Variants in RAB26 observed in about 807,000 individuals in gnomAD.
RAB26 encodes the protein ras-related protein Rab-26.
RAB26 carries 39 observed loss-of-function variants against 33.1 expected under a neutral mutation model. The ratio of observed to expected loss-of-function variants is 1.18; its 90% CI spans 0.91 to 1.54. The LOEUF is 1.54. Among genes scored for constraint, RAB26 ranks in the 40% most tolerant of loss-of-function variants. The probability of loss-of-function intolerance (pLI) is 0.00; values close to 1 mark genes in which losing one functional copy is unlikely to be tolerated. For synonymous variants in RAB26, 192 were observed against 151.9 expected (o/e 1.26, Z -1.94); for missense variants, 468 against 362.9 (o/e 1.29, Z -2.35).
chr16:2,151,966 C>A (rs2093006585), intron 5 of RAB26, 58 bp downstream of exon 5: 1 of 1,597,418 alleles, frequency 6.3e-7, no homozygotes, highest in Non-Finnish European at 8.6e-7. Context: ...CCATCCCAAC[C>A]TCCTTCTGGT....
intron 6 of RAB26, 36 bp from the exon 7 acceptor site, chr16:2,152,953 G>A (rs564634533): frequency 6.3e-7 from 1 of 1,582,586 alleles, no homozygotes; most frequent in South Asian, 1.1e-5. Context: ...GGCCAACCAT[G>A]GGCCAGCTTT....
At chr16:2,150,913 C>T (rs2093002781) in intron 2 of RAB26, among the ~76,000 whole-genome samples, 1 of 152,156 alleles carries the variant, frequency 6.6e-6, no homozygotes, top group African/African-American at 2.4e-5. Context: ...TGCCCAGGGC[C>T]TCAGACTGCG....
chr16:2,153,585 C>A lies in RAB26; in HGVS notation c.*164C>A, dbSNP rs1156716821. The A allele has an allele frequency of 4.4e-6, 3 of 687,696 alleles. No individual in the cohort carries two copies. Among genetic ancestry groups the A allele is most frequent in the East Asian group, 5.4e-5 (2 of 36,816 alleles). 42.6% of individuals were successfully genotyped at this position (687,696 alleles called of 1,614,324 possible). ...GTCCCTTCCTCCTCCCAGCAACAGT[C>A]CCAACAAGCAGGCTTCTGAGAGCCC... is the stretch of plus-strand genomic sequence containing the variant. On this transcript the variant is annotated 3_prime_UTR_variant, in exon 9 of 9. Transcript: ENST00000210187.
intron 1 of RAB26, 75 bp downstream of exon 1, chr16:2,149,053 AG>A: frequency 5.0e-6 from 6 of 1,209,968 alleles, no homozygotes; most frequent in Non-Finnish European, 6.2e-6. Flanking sequence ...GGGGTCGGAC[AG>A]GGGGTGCAGG....
At position 2,148,721 on chromosome 16, in the gene RAB26, CG is replaced by C. The variant is rs2092994323; in HGVS notation, c.-59del. 1 of 1,203,706 alleles carries C rather than the reference CG, an allele frequency of 8.3e-7. No homozygotes were observed. The highest frequency in any genetic ancestry group is 1.0e-6 in the Non-Finnish European group (1 of 967,308). The allele number at this position is 1,203,706 out of a possible 1,614,324, so 74.6% of individuals were successfully genotyped here. ...GGGTCCGGGTCGGGCTCGGCGGGCG[CG>C]GGGTGCGGGACGGCCCAGGGCACGG... On this transcript the variant is annotated 5_prime_UTR_variant, in exon 1 of 9. An upstream open reading frame in the 5' UTR loses its in-frame stop. Coordinates refer to ENST00000210187, the MANE Select transcript of RAB26 (RefSeq NM_014353.5).
At chr16:2,150,984 AC>A in intron 2 of RAB26, 1 of 326,662 alleles carries the variant, frequency 3.1e-6, no homozygotes, top group South Asian at 2.3e-5. Flanking sequence ...TCCCTGCCTT[AC>A]GTCTAATCGT....
rs1217059375 is a variant in RAB26 at position 2,154,099 on chromosome 16, C to A, written c.*678C>A. On this transcript the variant is annotated 3_prime_UTR_variant, in exon 9 of 9. Transcript: ENST00000210187. ...CAACTTGGCCTTTTGATTGCACAAG[C>A]CTTTGTTTTCAGTCCTAGTGAATAA... The A allele has an allele frequency of 2.5e-5, 8 of 321,110 alleles. No individual in the cohort carries two copies. The highest frequency in any genetic ancestry group is 4.3e-5 in the Non-Finnish European group (7 of 161,700). The allele number at this position is 321,110 out of a possible 1,614,324, so 19.9% of individuals were successfully genotyped here.
intron 2 of RAB26, 114 bp from the exon 3 acceptor site, chr16:2,151,455 G>T: frequency 1.4e-6 from 2 of 1,472,112 alleles, no homozygotes; most frequent in Non-Finnish European, 1.9e-6. Flanking sequence ...GCCTGCAGGG[G>T]CTGGGCTGGA....
intron 5 of RAB26, among the ~76,000 whole-genome samples, 183 bp from the exon 6 acceptor site, chr16:2,152,637 G>A (rs1386395880): frequency 2.1e-5 from 3 of 144,076 alleles, no homozygotes; most frequent in South Asian, 2.3e-4. Context: ...AGACTGCAGT[G>A]AGTCGAGATG....
intron 1 of RAB26, among the ~76,000 whole-genome samples, chr16:2,149,514 C>T (rs1359679176): frequency 2.0e-5 from 3 of 151,714 alleles, no homozygotes; most frequent in African/African-American, 4.8e-5. Flanking sequence ...GGTCCCTCTT[C>T]AGATCGAGAT....
At chr16:2,151,381 G>A in intron 2 of RAB26, 188 bp from the exon 3 acceptor site, 2 of 709,966 alleles carry the variant, frequency 2.8e-6, no homozygotes, top group Non-Finnish European at 4.9e-6. Context: ...CAGGAATAGT[G>A]CAGAGGCTGC....
At chr16:2,149,324 T>G in intron 1 of RAB26, among the ~76,000 whole-genome samples, 1 of 145,906 alleles carries the variant, frequency 6.9e-6, no homozygotes, top group African/African-American at 2.7e-5. Context: ...TTTTTTTTTT[T>G]TGCTGGGGGG....
chr16:2,151,628 G>A lies in RAB26; in HGVS notation c.348+18G>A, dbSNP rs1364567408. On this transcript the variant is annotated intron_variant, in intron 3 of 8. Coordinates refer to ENST00000210187, the MANE Select transcript of RAB26 (RefSeq NM_014353.5). ...AGCTGCAGGTAAGGTGACTGGCAGA[G>A]GACAAGTTGGGGGACAGGGGACACC... The A allele has an allele frequency of 6.2e-7, 1 of 1,614,062 alleles. No individual in the cohort carries two copies. Among genetic ancestry groups the A allele is most frequent in the South Asian group, 1.1e-5 (1 of 91,086 alleles).
Position 2,153,524 on chromosome 16 carries a change from C to A in RAB26, c.*103C>A. 1 of 1,070,012 alleles carries A rather than the reference C, an allele frequency of 9.3e-7. No homozygotes were observed. The highest frequency in any genetic ancestry group is 2.6e-5 in the East Asian group (1 of 39,068). The allele number at this position is 1,070,012 out of a possible 1,614,324, so 66.3% of individuals were successfully genotyped here. A position where few individuals can be genotyped will look rare whatever the true frequency, so the allele number is the denominator to read the frequency against. On this transcript the variant is annotated 3_prime_UTR_variant, in exon 9 of 9. Coordinates refer to ENST00000210187, the MANE Select transcript of RAB26 (RefSeq NM_014353.5). ...ACTTTGTTGCCCAGTGGCCAACGCC[C>A]GAGTGTCTGTTTTCAGGAGCCCCAG...
intron 5 of RAB26, 71 bp downstream of exon 5, chr16:2,151,979 A>G: frequency 1.3e-6 from 2 of 1,584,668 alleles, no homozygotes; most frequent in Non-Finnish European, 1.7e-6. Flanking sequence ...CTTCTGGTAG[A>G]TGGCATCAGG....
At chr16:2,150,505 T>G (rs2093001415) in intron 2 of RAB26, among the ~76,000 whole-genome samples, 1 of 133,240 alleles carries the variant, frequency 7.5e-6, no homozygotes, top group Non-Finnish European at 1.5e-5. Context: ...CGTGCTGAGG[T>G]GCCGGCTTGT....
At chr16:2,151,540 C>A (rs750502174) in intron 2 of RAB26, 29 bp from the exon 3 acceptor site, 1 of 1,613,140 alleles carries the variant, frequency 6.2e-7, no homozygotes, top group Non-Finnish European at 8.5e-7. Flanking sequence ...TGGGCCCATG[C>A]CAGAGCTGCC....
Position 2,148,759 on chromosome 16 carries a change from G to A in RAB26, c.-25G>A, listed in dbSNP as rs1487475014. 2 of 1,295,376 alleles carry A rather than the reference G, an allele frequency of 1.5e-6. No individual in the cohort carries two copies. Among genetic ancestry groups the A allele is most frequent in the Non-Finnish European group, 1.9e-6 (2 of 1,026,458 alleles). The allele number at this position is 1,295,376 out of a possible 1,614,324, so 80.2% of individuals were successfully genotyped here. A position where few individuals can be genotyped will look rare whatever the true frequency, so the allele number is the denominator to read the frequency against. On this transcript the variant is annotated 5_prime_UTR_variant, in exon 1 of 9. Transcript: ENST00000210187. Reference sequence around the variant, plus strand: ...GGCCCAGGGCACGGCGGCTGCAGCGGGAGCACACTGAGCGCCCGCCCGCCA... The same window carrying A: ...GGCCCAGGGCACGGCGGCTGCAGCGAGAGCACACTGAGCGCCCGCCCGCCA...
chr16:2,150,982 T>A (rs1427863582), intron 2 of RAB26: 1 of 328,856 alleles, frequency 3.0e-6, no homozygotes, highest in Admixed American at 4.3e-5. Flanking sequence ...ACTCCCTGCC[T>A]TACGTCTAAT....
Sources: allele counts gnomAD v4.1 joint callset (sites outside exome capture counted in the v4.1 genomes callset), GRCh38; gene constraint gnomAD v4.1.1; transcripts MANE v1.5; gene names NCBI Gene and HGNC (gene_info 2026-07-23, HGNC 2026-07-21).